Variants in ADARB2 observed in about 807,000 individuals in gnomAD.
ADARB2 encodes inactive double-stranded RNA-specific editase B2.
In ADARB2, 25 loss-of-function variants were observed where a neutral mutation model predicts 62.2. That is an observed-to-expected ratio of 0.40 (90% CI 0.29 to 0.56). The LOEUF is 0.56. Among genes scored for constraint, ADARB2 ranks in the 20% least tolerant of loss-of-function variants. The pLI, the probability that ADARB2 is intolerant of heterozygous loss-of-function variation, is 0.43. For missense variants in ADARB2, 1,071 were observed against 1,077.4 expected (o/e 0.99, Z 0.08); for synonymous variants, 572 against 500.8 (o/e 1.14, Z -1.90).
At chr10:1,595,107 G>A (rs1201478436) in intron 1 of ADARB2, among the ~76,000 whole-genome samples, 2 of 152,202 alleles carry the variant, frequency 1.3e-5, no homozygotes, top group Admixed American at 6.5e-5. Flanking sequence ...AATGTCATAC[G>A]GAAGCTGAGG....
At chr10:1,699,535 T>C (rs372733600) in intron 1 of ADARB2, among the ~76,000 whole-genome samples, 4,033 of 18,396 alleles carry the variant, frequency 0.22, 1 homozygote, top group South Asian at 0.35. Flanking sequence ...CGCTCGCCAA[T>C]ACACGCAATC....
chr10:1,672,489 G>T (rs1334224194), intron 1 of ADARB2, among the ~76,000 whole-genome samples: 2 of 152,176 alleles, frequency 1.3e-5, no homozygotes, highest in African/African-American at 4.8e-5. Flanking sequence ...CACCTCTGAC[G>T]GATGCCGCCT....
At chr10:1,589,414 C>T (rs1018248236) in intron 1 of ADARB2, among the ~76,000 whole-genome samples, 11 of 151,430 alleles carry the variant, frequency 7.3e-5, no homozygotes, top group Admixed American at 3.3e-4. Flanking sequence ...GGGGCGTCTG[C>T]GGTCAGGGCA....
chr10:1,395,903 TC>T (rs1346340684), intron 1 of ADARB2, among the ~76,000 whole-genome samples: 1 of 152,210 alleles, frequency 6.6e-6, no homozygotes, highest in Admixed American at 6.5e-5. Flanking sequence ...TGCTTTATTT[TC>T]TACTGAGCTT....
chr10:1,283,012 T>A (rs558190921), intron 3 of ADARB2, among the ~76,000 whole-genome samples: 1 of 152,320 alleles, frequency 6.6e-6, no homozygotes, highest in Non-Finnish European at 1.5e-5. Flanking sequence ...TCAAAAACCA[T>A]GTGCTTACTA....
chr10:1,619,445 A>G (rs1360454571), intron 1 of ADARB2, among the ~76,000 whole-genome samples: 2 of 152,216 alleles, frequency 1.3e-5, no homozygotes, highest in East Asian at 3.8e-4. Context: ...ACTTCATGTA[A>G]TAACTGCAGA....
At chr10:1,520,360 G>A (rs1336733905) in intron 1 of ADARB2, among the ~76,000 whole-genome samples, 2 of 152,114 alleles carry the variant, frequency 1.3e-5, no homozygotes, top group African/African-American at 4.8e-5. Context: ...AATTGAAGAA[G>A]CACTTATATC....
chr10:1,572,247 G>A (rs1030923748), intron 1 of ADARB2, among the ~76,000 whole-genome samples: 10 of 152,002 alleles, frequency 6.6e-5, no homozygotes, highest in African/African-American at 2.4e-4. Flanking sequence ...GAGTATGCAG[G>A]TGAGTGTGCT....
chr10:1,712,986 T>C lies in ADARB2; in HGVS notation c.100+24065A>G, dbSNP rs1029806789. On this transcript the variant is annotated intron_variant, in intron 1 of 9. Transcript: ENST00000381312. ...AAGCTCCTTAGTCCCGACAGCAGGGTTTTCATCAGTCATGTGTACTTCCCT... is the reference window on the plus strand; with the variant it reads ...AAGCTCCTTAGTCCCGACAGCAGGGCTTTCATCAGTCATGTGTACTTCCCT... 2.6e-5 allele frequency among the ~76,000 whole-genome samples: 4 copies of C among 152,128 alleles called. No individual in the cohort carries two copies. The East Asian group carries it at 7.7e-4, about 29-fold the overall frequency.
chr10:1,690,950 C>G (rs948292171), intron 1 of ADARB2, among the ~76,000 whole-genome samples: 4 of 152,214 alleles, frequency 2.6e-5, no homozygotes, highest in African/African-American at 9.6e-5. Flanking sequence ...AGGTTTGCCC[C>G]TGCCTGCCTC....
chr10:1,369,400 G>C (rs1276331625), intron 2 of ADARB2, among the ~76,000 whole-genome samples: 2 of 152,074 alleles, frequency 1.3e-5, no homozygotes, highest in Non-Finnish European at 2.9e-5. Flanking sequence ...GGGGACCTGG[G>C]GGACTATCGG....
At chr10:1,219,337 A>G (rs1425705893) in intron 6 of ADARB2, among the ~76,000 whole-genome samples, 1 of 152,262 alleles carries the variant, frequency 6.6e-6, no homozygotes, top group Non-Finnish European at 1.5e-5. Context: ...TTTCTCCTAA[A>G]GATCCCAAGT....
intron 1 of ADARB2, among the ~76,000 whole-genome samples, chr10:1,736,133 C>T (rs939503096): frequency 5.3e-5 from 8 of 152,200 alleles, no homozygotes; most frequent in African/African-American, 1.9e-4. Context: ...GAACTTTCTC[C>T]TGCAGGCTCA....
chr10:1,272,062 G>A (rs1319205193), intron 3 of ADARB2, among the ~76,000 whole-genome samples: 2 of 152,232 alleles, frequency 1.3e-5, no homozygotes, highest in African/African-American at 4.8e-5. Context: ...GGTAGGAAGT[G>A]CTCAGAGATG....
At chr10:1,549,164 TC>T (rs1832574261) in intron 1 of ADARB2, among the ~76,000 whole-genome samples, 1 of 97,728 alleles carries the variant, frequency 1.0e-5, no homozygotes, top group South Asian at 4.0e-4. Context: ...AGCTGGGGGG[TC>T]CCCTCCTCTC....
chr10:1,663,720 A>C (rs1190166529), intron 1 of ADARB2, among the ~76,000 whole-genome samples: 2 of 151,992 alleles, frequency 1.3e-5, no homozygotes, highest in African/African-American at 4.8e-5. Flanking sequence ...CCTGGGTTCA[A>C]GTGATTCTTC....
intron 1 of ADARB2, among the ~76,000 whole-genome samples, chr10:1,502,195 G>A (rs1185729082): frequency 2.6e-5 from 4 of 152,212 alleles, no homozygotes; most frequent in African/African-American, 7.2e-5. Flanking sequence ...AGCCTCAGTG[G>A]GGGCCCGGCC....
intron 1 of ADARB2, among the ~76,000 whole-genome samples, chr10:1,615,863 C>G (rs1833624957): frequency 6.6e-6 from 1 of 152,230 alleles, no homozygotes; most frequent in African/African-American, 2.4e-5. Flanking sequence ...GGCAGCAACA[C>G]TGTGTTGTAA....
At chr10:1,492,966 G>A (rs1831641702) in intron 1 of ADARB2, among the ~76,000 whole-genome samples, 2 of 152,196 alleles carry the variant, frequency 1.3e-5, no homozygotes, top group South Asian at 4.1e-4. Context: ...GCCGAGCAAG[G>A]CCACACGAAA....
Sources: allele counts gnomAD v4.1 joint callset (sites outside exome capture counted in the v4.1 genomes callset), GRCh38; gene constraint gnomAD v4.1.1; transcripts MANE v1.5; gene names NCBI Gene and HGNC (gene_info 2026-07-23, HGNC 2026-07-21).